The following NCOR2 variants were observed in gnomAD, a reference collection of about 807,000 sequenced individuals.
NCOR2 encodes CTG repeat protein 26.
Under a neutral mutation model 262.9 loss-of-function variants are expected in NCOR2, and 81 were observed. The ratio of observed to expected loss-of-function variants is 0.31; its 90% CI spans 0.26 to 0.37. NCOR2 has a LOEUF of 0.37. NCOR2 is among the 10% of genes least tolerant of loss of function. NCOR2 has a pLI of 1.00. For synonymous variants in NCOR2, 1,659 were observed against 1,559.3 expected (o/e 1.06, Z -1.51); for missense variants, 3,385 against 3,621.4 (o/e 0.93, Z 1.68).
chr12:124,333,759 T>TGGGGGTGGGGGC (rs901058513), intron 41 of NCOR2, among the ~76,000 whole-genome samples: 1 of 150,316 alleles, frequency 6.7e-6, no homozygotes, highest in Non-Finnish European at 1.5e-5. Flanking sequence ...TTCACCAGGG[T>TGGGGGTGGGGGC]GGGGGTGGGG....
chr12:124,387,777 A>T (rs1482967687), intron 16 of NCOR2, among the ~76,000 whole-genome samples: 3 of 152,134 alleles, frequency 2.0e-5, no homozygotes, highest in African/African-American at 7.2e-5. Flanking sequence ...GCGTTTATTT[A>T]TATTTCCCCA....
chr12:124,550,996 A>G (rs947658006), intron 1 of NCOR2, among the ~76,000 whole-genome samples: 9 of 152,254 alleles, frequency 5.9e-5, no homozygotes, highest in Admixed American at 5.2e-4. Flanking sequence ...AGAAGTTAAA[A>G]TTAGCCAACT....
intron 1 of NCOR2, among the ~76,000 whole-genome samples, chr12:124,501,924 G>A (rs906913007): frequency 7.9e-5 from 12 of 152,188 alleles, no homozygotes; most frequent in East Asian, 1.9e-4. Context: ...AGGAGAAGCC[G>A]GCCCGGGGGG....
chr12:124,376,970 G>A (rs889877736), intron 18 of NCOR2, among the ~76,000 whole-genome samples: 2 of 152,168 alleles, frequency 1.3e-5, no homozygotes, highest in African/African-American at 4.8e-5. Context: ...AGGGGCCTTC[G>A]GTCACGCCAC....
chr12:124,484,571 C>T (rs1303508774), intron 2 of NCOR2, among the ~76,000 whole-genome samples: 1 of 152,238 alleles, frequency 6.6e-6, no homozygotes, highest in Non-Finnish European at 1.5e-5. Flanking sequence ...CCTGCACAAG[C>T]CCTGCCTGGC....
At chr12:124,533,030 T>C in intron 1 of NCOR2, among the ~76,000 whole-genome samples, 2 of 71,194 alleles carry the variant, frequency 2.8e-5, no homozygotes, top group African/African-American at 1.2e-4. Flanking sequence ...CCCTCCTCCC[T>C]CCAAATCCCA....
chr12:124,327,304 G>T, intron 45 of NCOR2, 105 bp downstream of exon 47: 1 of 930,810 alleles, frequency 1.1e-6, no homozygotes, highest in Non-Finnish European at 1.6e-6. Flanking sequence ...AAAGTCACAA[G>T]CTCCAAAGCT....
At chr12:124,362,594 C>A (rs2038682816) in intron 21 of NCOR2, among the ~76,000 whole-genome samples, 1 of 150,624 alleles carries the variant, frequency 6.6e-6, no homozygotes, top group South Asian at 2.1e-4. Context: ...GACAGCCTAG[C>A]CCAGCTGCCT....
chr12:124,472,713 G>T (rs1392021638), intron 4 of NCOR2, among the ~76,000 whole-genome samples: 1 of 152,152 alleles, frequency 6.6e-6, no homozygotes, highest in African/African-American at 2.4e-5. Flanking sequence ...TTCCTCAGTC[G>T]CAGTAGGCAC....
At chr12:124,330,004 C>T (rs182459046) in intron 44 of NCOR2, among the ~76,000 whole-genome samples, 6 of 152,334 alleles carry the variant, frequency 3.9e-5, no homozygotes, top group Admixed American at 2.6e-4. Context: ...TTGGAGGCCT[C>T]GCTGACCCCC....
chr12:124,374,698 G>T (rs10773086), intron 18 of NCOR2, among the ~76,000 whole-genome samples: 20,890 of 152,262 alleles, frequency 0.14, 2,179 homozygotes, highest in East Asian at 0.62. Context: ...CTGGTCCAAT[G>T]GCCTGTTCAA....
chr12:124,343,108 A>G, exon 33 of NCOR2: 2 of 1,612,470 alleles, frequency 1.2e-6, no homozygotes, highest in East Asian at 2.2e-5. Context: ...GCAGGTGCTC[A>G]TAGGGCGAGA....
intron 13 of NCOR2, among the ~76,000 whole-genome samples, chr12:124,417,108 G>GGACAGTCACTCCACGGAGAGCAGGCCA (rs2042930158): frequency 7.9e-6 from 1 of 127,136 alleles, no homozygotes; most frequent in African/African-American, 3.9e-5. Flanking sequence ...AGAGCAGGCC[G>GGACAGTCACTCCACGGAGAGCAGGCCA]GACAGTCACT....
exon 1 of NCOR2, chr12:124,567,399 G>T (rs1307206479): frequency 6.6e-6 from 1 of 151,032 alleles, no homozygotes; most frequent in Admixed American, 6.6e-5. Flanking sequence ...CGGGCTGGGG[G>T]CGCGCAGCAG....
chr12:124,559,966 C>G (rs1329522836), intron 1 of NCOR2, among the ~76,000 whole-genome samples: 2 of 152,224 alleles, frequency 1.3e-5, no homozygotes, highest in African/African-American at 4.8e-5. Context: ...CAAGTGCTTG[C>G]TGCCTTAACC....
At chr12:124,409,552 T>G (rs1430660176) in intron 13 of NCOR2, among the ~76,000 whole-genome samples, 1 of 152,246 alleles carries the variant, frequency 6.6e-6, no homozygotes, top group Non-Finnish European at 1.5e-5. Context: ...CAAATTGCCA[T>G]GCTGATTGAC....
intron 5 of NCOR2, among the ~76,000 whole-genome samples, chr12:124,459,601 A>C (rs1453098945): frequency 6.6e-6 from 1 of 151,948 alleles, no homozygotes; most frequent in African/African-American, 2.4e-5. Flanking sequence ...AAACGGCCAC[A>C]CTCACCCAGG....
In NCOR2 at chr12:124,389,515, C is replaced by T. The variant is rs966078756; in HGVS notation, c.1877-3628G>A. ...TCCAGAAAAACAGAGCTTCTCCACCCCCGGCAGACAGGGAGCAAACAGCTT... is the reference window on the plus strand; with the variant it reads ...TCCAGAAAAACAGAGCTTCTCCACCTCCGGCAGACAGGGAGCAAACAGCTT... On this transcript the variant is annotated intron_variant, in intron 16 of 46. Coordinates refer to ENST00000405201, the Ensembl canonical transcript of NCOR2. The surrounding 1 kb of genome is among the most constrained non-coding windows in gnomAD (Gnocchi z 4.4). Among the ~76,000 whole-genome samples, 7 of 152,220 alleles carry T rather than the reference C, an allele frequency of 4.6e-5. No individual in the cohort carries two copies. The highest frequency in any genetic ancestry group is 1.7e-4 in the African/African-American group (7 of 41,468).
intron 17 of NCOR2, chr12:124,383,480 GC>G: frequency 1.1e-6 from 1 of 931,592 alleles, no homozygotes; most frequent in Non-Finnish European, 1.4e-6. Context: ...TGCCACCTTG[GC>G]CCAGTGCTCA....
Sources: allele counts gnomAD v4.1 joint callset (sites outside exome capture counted in the v4.1 genomes callset), GRCh38; gene constraint gnomAD v4.1.1; non-coding constraint Gnocchi (gnomAD v3.1); transcripts MANE v1.5; gene names NCBI Gene and HGNC (gene_info 2026-07-23, HGNC 2026-07-21).